PRDM2: variants seen among roughly 807,000 people sequenced by gnomAD.
PRDM2 encodes PR/SET domain 2, also known as PR domain zinc finger protein 2.
In PRDM2, 30 loss-of-function variants were observed where a neutral mutation model predicts 130.0. That is an observed-to-expected ratio of 0.23 (90% CI 0.17 to 0.31). The LOEUF (loss-of-function observed/expected upper bound fraction) is 0.31. PRDM2 is among the 10% of genes least tolerant of loss of function. PRDM2 has a pLI of 1.00. For missense variants in PRDM2, 2,011 were observed against 2,108.4 expected (o/e 0.95, Z 0.90); for synonymous variants, 871 against 782.4 (o/e 1.11, Z -1.89).
chr1:13,782,469 G>C lies in PRDM2; in HGVS notation c.4674G>C (p.Lys1558Asn). ...SSSFRSKQNVKFAASVKSKKP... is the reference protein window; with the variant it reads ...SSSFRSKQNVNFAASVKSKKP... ...CCTTCAGGTCCAAGCAGAACGTCAAGTTTGCAGCTTCGGTGAAATCCAAAA... is the reference window on the plus strand; with the variant it reads ...CCTTCAGGTCCAAGCAGAACGTCAACTTTGCAGCTTCGGTGAAATCCAAAA... Residue 1558 changes from lysine (K) to asparagine (N), a missense_variant, in exon 8 of 10, where the codon AAG (lysine) becomes AAC (asparagine). Coordinates refer to ENST00000311066, the MANE Select transcript of PRDM2 (RefSeq NM_001393986.1). 6.2e-7 allele frequency: 1 copy of C among 1,614,084 alleles called. No individual in the cohort carries two copies. Among genetic ancestry groups the C allele is most frequent in the Non-Finnish European group, 8.5e-7 (1 of 1,180,032 alleles).
At chr1:13,808,875 A>ACCAG (rs1223189134) in intron 8 of PRDM2, among the ~76,000 whole-genome samples, 1 of 152,138 alleles carries the variant, frequency 6.6e-6, no homozygotes, top group Non-Finnish European at 1.5e-5. Context: ...TGGGAACCTG[A>ACCAG]CCAGGGCCAT....
At chr1:13,759,888 G>A (rs1004199775) in intron 6 of PRDM2, among the ~76,000 whole-genome samples, 1 of 152,080 alleles carries the variant, frequency 6.6e-6, no homozygotes, top group African/African-American at 2.4e-5. Context: ...TGTTGTCAGT[G>A]GTCTCAATCT....
chr1:13,700,398 G>T, intron 1 of PRDM2, 98 bp downstream of exon 1: 1 of 149,962 alleles, frequency 6.7e-6, no homozygotes, highest in South Asian at 1.8e-4. Context: ...CGACACGCTG[G>T]GGACCCGGCG....
At chr1:13,730,453 C>G (rs1328324039) in intron 2 of PRDM2, among the ~76,000 whole-genome samples, 1 of 152,078 alleles carries the variant, frequency 6.6e-6, no homozygotes, top group Admixed American at 6.5e-5. Context: ...GTGGCACTTG[C>G]AGTAAGGGAC....
chr1:13,804,655 GC>G (rs1320592063), intron 8 of PRDM2, among the ~76,000 whole-genome samples: 4 of 152,188 alleles, frequency 2.6e-5, no homozygotes, highest in African/African-American at 7.2e-5. Flanking sequence ...TAGACCAGTG[GC>G]CTGCAAAGAC....
intron 1 of PRDM2, among the ~76,000 whole-genome samples, chr1:13,707,514 T>G (rs1381929468): frequency 1.3e-5 from 2 of 152,260 alleles, no homozygotes; most frequent in East Asian, 3.8e-4. Context: ...GATTTAATTT[T>G]CCTTTTATAA....
chr1:13,753,192 A>G (rs1643878961), intron 6 of PRDM2, among the ~76,000 whole-genome samples: 1 of 152,230 alleles, frequency 6.6e-6, no homozygotes, highest in African/African-American at 2.4e-5. Flanking sequence ...ACAGCAAATT[A>G]AGAGAGAAGA....
chr1:13,786,925 C>T (rs1478720583), intron 8 of PRDM2: 3 of 1,003,346 alleles, frequency 3.0e-6, no homozygotes, highest in Non-Finnish European at 3.6e-6. Context: ...TTGTAGGTTT[C>T]AGGGATGACA....
At chr1:13,787,743 C>T (rs1644771083) in intron 8 of PRDM2, 20 of 984,186 alleles carry the variant, frequency 2.0e-5, no homozygotes, top group Admixed American at 6.2e-5. Context: ...GGAGAGTGCT[C>T]CTGTATTGAA....
chr1:13,779,220 G>C lies in PRDM2; in HGVS notation c.1425G>C (p.Glu475Asp). ...CAATAAATTCTTCTGTCGTAGAAGA[G>C]AATGGGGAAGTTAAAGAACTTCATC... ...QDTINSSVVE[E>D]NGEVKELHPC... The change falls in exon 8 of 10, where the codon GAG becomes GAC. Residue 475 changes from glutamate to aspartate, a missense_variant. Glu to Asp is a conservative substitution (Grantham distance 45, BLOSUM62 2). Coordinates refer to ENST00000311066, the MANE Select transcript of PRDM2 (RefSeq NM_001393986.1). This position sits in a 1 kb window ranked among gnomAD's most constrained non-coding sequence, Gnocchi z 4.9. The C allele has an allele frequency of 6.2e-7, 1 of 1,614,176 alleles. No homozygotes were observed. Among genetic ancestry groups the C allele is most frequent in the Non-Finnish European group, 8.5e-7 (1 of 1,180,030 alleles).
At position 13,782,023 on chromosome 1, in the gene PRDM2, A is replaced by G. The variant is rs752849112; in HGVS notation, c.4228A>G (p.Ser1410Gly). The G allele has an allele frequency of 6.2e-7, 1 of 1,614,192 alleles. No individual in the cohort carries two copies. The highest frequency in any genetic ancestry group is 1.3e-5 in the African/African-American group (1 of 75,036). The change falls in exon 8 of 10, where the codon AGC becomes GGC. Residue 1410 changes from serine (S) to glycine (G), a missense_variant. Physicochemically the swap from Ser to Gly is moderately conservative, Grantham distance 56. This residue lies in a region of PRDM2 where 410 missense variants were observed against 395.9 expected (regional missense o/e 1.04). Transcript: ENST00000311066. ...AAGGCTTAACTTTAGTGTTGAGCTCAGCAAAATGTCGTCGAATAAGCTCAA... is the reference window on the plus strand; with the variant it reads ...AAGGCTTAACTTTAGTGTTGAGCTCGGCAAAATGTCGTCGAATAAGCTCAA... ...PKRLNFSVEL[S>G]KMSSNKLKLN...
rs557181495 is a variant in PRDM2 at position 13,736,442 on chromosome 1, T to C, written c.231+3560T>C. Among the ~76,000 whole-genome samples, 20 of 152,302 alleles carry C rather than the reference T, an allele frequency of 1.3e-4. 1 individual carries two copies. Among genetic ancestry groups the C allele is most frequent in the African/African-American group, 4.8e-4 (20 of 41,570 alleles). On this transcript the variant is annotated intron_variant, in intron 4 of 9. Coordinates refer to ENST00000311066, the MANE Select transcript of PRDM2 (RefSeq NM_001393986.1). ...TGGCTTATTTACATCATTATTCCTA[T>C]GCCTACCCACAATTTCATTGTATAC... is the stretch of plus-strand genomic sequence containing the variant.
intron 8 of PRDM2, among the ~76,000 whole-genome samples, chr1:13,794,164 T>C (rs534497454): frequency 5.9e-5 from 9 of 152,186 alleles, no homozygotes; most frequent in Non-Finnish European, 1.2e-4. Context: ...ACTGTTTTCA[T>C]GACAGGCAGC....
Position 13,813,699 on chromosome 1 carries a change from C to A in PRDM2, c.5037-2728C>A, listed in dbSNP as rs565741867. ...TGGCTGCCGTGGTCCTCCATTAGGC[C>A]AGGCAGTGGATGAGGGGTAGCAGAG... On this transcript the variant is annotated intron_variant, in intron 8 of 9. Transcript: ENST00000311066. Among the ~76,000 whole-genome samples the A allele has an allele frequency of 2.0e-5, 3 of 152,296 alleles. No individual in the cohort carries two copies. The South Asian group carries it at 6.2e-4, about 32-fold the overall frequency.
intron 2 of PRDM2, among the ~76,000 whole-genome samples, chr1:13,720,884 T>G (rs1481669953): frequency 6.6e-6 from 1 of 152,230 alleles, no homozygotes; most frequent in Non-Finnish European, 1.5e-5. Flanking sequence ...AACTTTGAGG[T>G]ATAAGCTGCA....
chr1:13,763,333 T>C (rs114954122), intron 6 of PRDM2, among the ~76,000 whole-genome samples: 2,556 of 152,324 alleles, frequency 0.017, 40 homozygotes, highest in South Asian at 0.083. Flanking sequence ...GAAGTGATGA[T>C]GTGTAGCATG....
chr1:13,811,327 G>A (rs1395680237), intron 8 of PRDM2, among the ~76,000 whole-genome samples: 1 of 152,186 alleles, frequency 6.6e-6, no homozygotes, highest in African/African-American at 2.4e-5. Context: ...ACGCTTACTT[G>A]CACAGTGACC....
chr1:13,730,074 G>A (rs1428632060), intron 2 of PRDM2, among the ~76,000 whole-genome samples: 1 of 152,116 alleles, frequency 6.6e-6, no homozygotes, highest in Non-Finnish European at 1.5e-5. Context: ...AAAAGTCCTG[G>A]AGAAGTGTTT....
chr1:13,765,863 T>C (rs761522739), intron 6 of PRDM2, among the ~76,000 whole-genome samples: 5 of 152,202 alleles, frequency 3.3e-5, no homozygotes, highest in Non-Finnish European at 5.9e-5. Flanking sequence ...TTAAAAATTT[T>C]ATAGGAGTCA....
Sources: allele counts gnomAD v4.1 joint callset (sites outside exome capture counted in the v4.1 genomes callset), GRCh38; gene constraint gnomAD v4.1.1; regional missense constraint gnomAD v4.1.1; non-coding constraint Gnocchi (gnomAD v3.1); transcripts MANE v1.5; gene names NCBI Gene and HGNC (gene_info 2026-07-23, HGNC 2026-07-21).